The following DSG1 variants were observed in gnomAD, a reference collection of about 807,000 sequenced individuals.
DSG1 encodes desmoglein 1.
In DSG1, 39 loss-of-function variants were observed where a neutral mutation model predicts 97.5. The ratio of observed to expected loss-of-function variants is 0.40; its 90% CI spans 0.31 to 0.52. The LOEUF (loss-of-function observed/expected upper bound fraction) is 0.52, where lower values mean the gene tolerates loss of function less well. Among genes scored for constraint, DSG1 ranks in the 20% least tolerant of loss-of-function variants. The pLI, the probability that DSG1 is intolerant of heterozygous loss-of-function variation, is 0.53. For missense variants in DSG1, 1,311 were observed against 1,295.4 expected, an observed-to-expected ratio of 1.01 and a Z score of -0.18; for synonymous variants, 475 against 443.4, an observed-to-expected ratio of 1.07 and a Z score of -0.90.
chr18:31,334,276 G>C (rs1222808296), intron 8 of DSG1, 74 bp downstream of exon 8: 2 of 1,098,536 alleles, frequency 1.8e-6, no homozygotes, highest in Admixed American at 3.9e-5. Context: ...ATAAAATGAT[G>C]CTAACATTTC....
At chr18:31,326,827 A>G in intron 2 of DSG1, 47 bp from the exon 3 acceptor site, 1 of 1,583,604 alleles carries the variant, frequency 6.3e-7, no homozygotes, top group Non-Finnish European at 8.7e-7. Context: ...AATTTGAATT[A>G]CGAATTCAAA....
intron 13 of DSG1, 92 bp from the exon 14 acceptor site, chr18:31,345,897 TA>T: frequency 1.0e-6 from 1 of 962,756 alleles, no homozygotes; most frequent in Non-Finnish European, 1.6e-6. Context: ...AATGCATACC[TA>T]AATGAAAAAA....
In DSG1 at chr18:31,336,873, A is replaced by C. The variant is rs16961659; in HGVS notation, c.1265+260A>C. Among the ~76,000 whole-genome samples, 795 of 152,250 alleles carry C rather than the reference A, an allele frequency of 5.2e-3. 6 individuals are homozygous for C. The highest frequency in any genetic ancestry group is 0.018 in the African/African-American group (763 of 41,546). On this transcript the variant is annotated intron_variant, in intron 9 of 14. Transcript: ENST00000257192. ...GTCTCAAAAGTATCGACACTCCTGTATTTCTATGTCTTATTGATCAATTAG... is the reference window on the plus strand; with the variant it reads ...GTCTCAAAAGTATCGACACTCCTGTCTTTCTATGTCTTATTGATCAATTAG...
chr18:31,326,771 C>T (rs1321291052), intron 2 of DSG1, 103 bp from the exon 3 acceptor site: 2 of 1,438,448 alleles, frequency 1.4e-6, no homozygotes, highest in Non-Finnish European at 1.9e-6. Context: ...CCCAATTAAA[C>T]ATCCTCTATT....
chr18:31,357,198 T>G lies in DSG1; in HGVS notation c.*1852T>G, dbSNP rs917527229. Among the ~76,000 whole-genome samples the G allele has an allele frequency of 3.9e-5, 6 of 152,074 alleles. No homozygotes were observed. Among genetic ancestry groups the G allele is most frequent in the African/African-American group, 1.2e-4 (5 of 41,452 alleles). On this transcript the variant is annotated 3_prime_UTR_variant, in exon 15 of 15. Coordinates refer to ENST00000257192, the MANE Select transcript of DSG1 (RefSeq NM_001942.4). The stretch of plus-strand genomic sequence containing the variant: ...TGTAACAACAGATAAGGCTAATATT[T>G]TAAAAGCCACAGTATACATCTTCTT...
At chr18:31,339,714 A>G (rs747903061) in intron 10 of DSG1, 30 bp from the exon 11 acceptor site, 2 of 1,552,596 alleles carry the variant, frequency 1.3e-6, no homozygotes, top group Admixed American at 3.3e-5. Context: ...AATGTCTAAA[A>G]TATTTCTTCC....
chr18:31,339,999 T>C lies in DSG1; in HGVS notation c.1661T>C (p.Leu554Pro). 6.2e-7 allele frequency: 1 copy of C among 1,614,104 alleles called. No homozygotes were observed. The highest frequency in any genetic ancestry group is 8.5e-7 in the Non-Finnish European group (1 of 1,179,984). The change falls in exon 11 of 15, where the codon CTC (leucine) becomes CCC (proline). Residue 554 changes from leucine to proline, a missense_variant. Physicochemically the swap from Leu to Pro is moderately conservative, Grantham distance 98. Coordinates refer to ENST00000257192, the MANE Select transcript of DSG1 (RefSeq NM_001942.4). ...TTTGGTCCTGCTGGCATTGGACTCCTCATCATGGGATTCTTGGTCTTAGGA... is the reference window on the plus strand; with the variant it reads ...TTTGGTCCTGCTGGCATTGGACTCCCCATCATGGGATTCTTGGTCTTAGGA... ...VHFGPAGIGL[L>P]IMGFLVLGLV...
intron 14 of DSG1, among the ~76,000 whole-genome samples, chr18:31,351,487 G>A (rs1161399486): frequency 2.2e-4 from 33 of 148,660 alleles, no homozygotes; most frequent in East Asian, 9.8e-4. Flanking sequence ...TATTAGGTCC[G>A]CCTGGTGCAG....
rs1210723953 is a variant in DSG1, at chr18:31,357,791, A to G, written c.*2445A>G. Among the ~76,000 whole-genome samples, 1 of 152,028 alleles carries G rather than the reference A, an allele frequency of 6.6e-6. No homozygotes were observed. Among genetic ancestry groups the G allele is most frequent in the Non-Finnish European group, 1.5e-5 (1 of 67,892 alleles). On this transcript the variant is annotated 3_prime_UTR_variant, in exon 15 of 15. Coordinates refer to ENST00000257192, the MANE Select transcript of DSG1 (RefSeq NM_001942.4). ...TCTTCCAGGATTGCAAATTGATGGGAAAAACAAGAAAAACTGAAGTATTAG... is the reference window on the plus strand; with the variant it reads ...TCTTCCAGGATTGCAAATTGATGGGGAAAACAAGAAAAACTGAAGTATTAG...
At chr18:31,318,522 A>G (rs2071634103) in intron 1 of DSG1, among the ~76,000 whole-genome samples, 174 bp downstream of exon 1, 2 of 152,176 alleles carry the variant, frequency 1.3e-5, no homozygotes, top group Admixed American at 1.3e-4. Context: ...CTTTAATTGA[A>G]GACTCAAGAT....
rs2071755261 is a variant in DSG1, at chr18:31,336,560, G to A, written c.1212G>A (p.Val404=). 4.3e-6 allele frequency: 7 copies of A among 1,613,990 alleles called. No individual in the cohort carries two copies. In the East Asian group the frequency reaches 1.6e-4, roughly 36 times the overall value. The change falls in exon 9 of 15, where the codon GTG becomes GTA. Residue 404 remains valine (V), a synonymous_variant. Coordinates refer to ENST00000257192, the MANE Select transcript of DSG1 (RefSeq NM_001942.4). ...GTAATATGGGATCAAATGATAAAGT[G>A]GGAGACTTTGTAGCTACTGACCTGG... is the stretch of plus-strand genomic sequence containing the variant. ...VTGNMGSNDK[V]GDFVATDLDT...
At chr18:31,326,797 T>G (rs1221983277) in intron 2 of DSG1, 77 bp from the exon 3 acceptor site, 2 of 1,534,102 alleles carry the variant, frequency 1.3e-6, no homozygotes, top group Non-Finnish European at 1.8e-6. Context: ...GATTATAACC[T>G]CTTCCAAAAA....
rs148502408 is a variant in DSG1 at position 31,354,771 on chromosome 18, G to A, written c.2575G>A (p.Ala859Thr). The A allele has an allele frequency of 1.2e-6, 2 of 1,614,136 alleles. No homozygotes were observed. Among genetic ancestry groups the A allele is most frequent in the South Asian group, 1.1e-5 (1 of 91,070 alleles). ...TGTGCACGTTCACGATAACCGACCAGCATCAAACGTGGTAGTGACAGAGAG... is the reference window on the plus strand; with the variant it reads ...TGTGCACGTTCACGATAACCGACCAACATCAAACGTGGTAGTGACAGAGAG... Reference protein sequence around the residue: ...PSVHVHDNRPASNVVVTERVV... With the variant: ...PSVHVHDNRPTSNVVVTERVV... The change falls in exon 15 of 15, where the codon GCA (alanine) becomes ACA (threonine). Residue 859 changes from alanine (A) to threonine (T), a missense_variant. Transcript: ENST00000257192.
Position 31,355,592 on chromosome 18 carries a change from G to C in DSG1, c.*246G>C, listed in dbSNP as rs1352482793. The stretch of plus-strand genomic sequence containing the variant: ...AAACTTGAGGCAGAGTCTTCTTTGT[G>C]CCTGAGTGGCCTGTAGTCCATCTCC... On this transcript the variant is annotated 3_prime_UTR_variant, in exon 15 of 15. Coordinates refer to ENST00000257192, the MANE Select transcript of DSG1 (RefSeq NM_001942.4). The C allele has an allele frequency of 2.2e-5, 12 of 534,364 alleles. No homozygotes were observed. Among genetic ancestry groups the C allele is most frequent in the Non-Finnish European group, 3.4e-5 (10 of 296,516 alleles). The allele number at this position is 534,364 out of a possible 1,614,324, so 33.1% of individuals were successfully genotyped here.
chr18:31,328,013 C>T (rs2071696884), intron 3 of DSG1, among the ~76,000 whole-genome samples, 176 bp from the exon 4 acceptor site: 1 of 152,090 alleles, frequency 6.6e-6, no homozygotes, highest in South Asian at 2.1e-4. Context: ...TTGTCAGTTA[C>T]CATTGAAAAT....
rs556729603 is a variant in DSG1, at chr18:31,335,692, A to G, written c.1006-662A>G. Among the ~76,000 whole-genome samples, 236 of 151,836 alleles carry G rather than the reference A, an allele frequency of 1.6e-3. 2 individuals are homozygous for G. Among genetic ancestry groups the G allele is most frequent in the Middle Eastern group, 0.01 (3 of 290 alleles). On this transcript the variant is annotated intron_variant, in intron 8 of 14. Coordinates refer to ENST00000257192, the MANE Select transcript of DSG1 (RefSeq NM_001942.4). ...TACTCTTGTGAAATTTTAGAAAAAT[A>G]TATTTGGTGTGTATGGGCCTAATGG...
At chr18:31,336,229 T>G in intron 8 of DSG1, 125 bp from the exon 9 acceptor site, 1 of 777,702 alleles carries the variant, frequency 1.3e-6, no homozygotes. Flanking sequence ...GGATTGTGTA[T>G]TTGTGTGCAT....
rs1199068337 is a variant in DSG1 at position 31,346,065 on chromosome 18, T to C, written c.1967T>C (p.Leu656Pro). The C allele has an allele frequency of 1.9e-6, 3 of 1,613,922 alleles. No individual in the cohort carries two copies. The highest frequency in any genetic ancestry group is 1.1e-5 in the South Asian group (1 of 91,072). ...GGAGAGAGAATGACAGGATTTGAACTAACAGAGGGAGTTAAAACTTCAGGA... is the reference window on the plus strand; with the variant it reads ...GGAGAGAGAATGACAGGATTTGAACCAACAGAGGGAGTTAAAACTTCAGGA... The part of the protein sequence containing the change: ...GGGERMTGFE[L>P]TEGVKTSGMP... The change falls in exon 14 of 15, where the codon CTA becomes CCA. Residue 656 changes from leucine to proline, a missense_variant. Around this residue, in one of 3 missense-constraint regions of DSG1, gnomAD observed 1,038 missense variants for 964.6 expected, o/e 1.08. Coordinates refer to ENST00000257192, the MANE Select transcript of DSG1 (RefSeq NM_001942.4).
chr18:31,328,045 C>T, intron 3 of DSG1, 144 bp from the exon 4 acceptor site: 2 of 795,414 alleles, frequency 2.5e-6, no homozygotes, highest in Non-Finnish European at 3.9e-6. Context: ...AATTGTTACT[C>T]TTATCTAGGA....
Sources: allele counts gnomAD v4.1 joint callset (sites outside exome capture counted in the v4.1 genomes callset), GRCh38; gene constraint gnomAD v4.1.1; regional missense constraint gnomAD v4.1.1; transcripts MANE v1.5; gene names NCBI Gene and HGNC (gene_info 2026-07-23, HGNC 2026-07-21).